C16orf74: variants seen among roughly 807,000 people sequenced by gnomAD.
C16orf74 encodes calcimembrin, also known as uncharacterized protein C16orf74.
A neutral mutation model predicts 6.5 loss-of-function variants in C16orf74; 10 were observed. The observed-to-expected ratio is 1.54, with a 90% CI of 0.95 to 2.61. The LOEUF (loss-of-function observed/expected upper bound fraction) is 2.61, where lower values mean the gene tolerates loss of function less well. Ranked by LOEUF, C16orf74 falls within the 30% of genes most tolerant of loss-of-function variation. The pLI is 0.00. For missense variants in C16orf74, 141 were observed against 105.9 expected, an observed-to-expected ratio of 1.33 and a Z score of -1.45; for synonymous variants, 60 against 42.5, an observed-to-expected ratio of 1.41 and a Z score of -1.60.
At chr16:85,712,255 G>A (rs1458738639) in intron 2 of C16orf74, among the ~76,000 whole-genome samples, 3 of 152,280 alleles carry the variant, frequency 2.0e-5, no homozygotes, top group Non-Finnish European at 2.9e-5. Flanking sequence ...CATCATGATC[G>A]ACCCTGAGCC....
chr16:85,707,943 GC>G lies in C16orf74; in HGVS notation c.*64del. ...CAGCACACCTGCTCCAGGCAGCCAC[GC>G]CCCCGGACACCTGAAGCCGGGCCGC... On this transcript the variant is annotated 3_prime_UTR_variant, in exon 4 of 4. Coordinates refer to ENST00000284245, the MANE Select transcript of C16orf74 (RefSeq NM_206967.3). 1 of 1,409,560 alleles carries G rather than the reference GC, an allele frequency of 7.1e-7. No homozygotes were observed. The allele number at this position is 1,409,560 out of a possible 1,614,324, so 87.3% of individuals were successfully genotyped here.
Position 85,707,943 on chromosome 16 carries a change from G to T in C16orf74, c.*65C>A, listed in dbSNP as rs538590184. 5 of 1,409,578 alleles carry T rather than the reference G, an allele frequency of 3.5e-6. No homozygotes were observed. The highest frequency in any genetic ancestry group is 4.9e-6 in the Non-Finnish European group (5 of 1,022,844). The allele number at this position is 1,409,578 out of a possible 1,614,324, so 87.3% of individuals were successfully genotyped here. On this transcript the variant is annotated 3_prime_UTR_variant, in exon 4 of 4. Coordinates refer to ENST00000284245, the MANE Select transcript of C16orf74 (RefSeq NM_206967.3). ...CAGCACACCTGCTCCAGGCAGCCAC[G>T]CCCCCGGACACCTGAAGCCGGGCCG... is the stretch of plus-strand genomic sequence containing the variant.
chr16:85,712,332 A>G (rs2053978432), intron 2 of C16orf74, among the ~76,000 whole-genome samples: 1 of 152,226 alleles, frequency 6.6e-6, no homozygotes, highest in Admixed American at 6.5e-5. Context: ...TAAAGGTTTG[A>G]TGTTTAAGCC....
At chr16:85,738,613 G>A (rs1340714560) in intron 1 of C16orf74, among the ~76,000 whole-genome samples, 1 of 151,902 alleles carries the variant, frequency 6.6e-6, no homozygotes, top group Non-Finnish European at 1.5e-5. Context: ...TTTCAGGTGT[G>A]AGCCACCGCG....
intron 1 of C16orf74, among the ~76,000 whole-genome samples, chr16:85,739,478 C>T (rs755898797): frequency 6.6e-6 from 1 of 152,160 alleles, no homozygotes; most frequent in Non-Finnish European, 1.5e-5. Context: ...AGTAAAACAA[C>T]AACAACAAAA....
intron 1 of C16orf74, among the ~76,000 whole-genome samples, chr16:85,744,656 CTG>C (rs1432723732): frequency 6.6e-6 from 1 of 151,878 alleles, no homozygotes; most frequent in African/African-American, 2.4e-5. Flanking sequence ...CGGTGAAACC[CTG>C]TCTCTACTAA....
chr16:85,737,725 T>C (rs1296446716), intron 1 of C16orf74, among the ~76,000 whole-genome samples: 1 of 152,020 alleles, frequency 6.6e-6, no homozygotes, highest in Non-Finnish European at 1.5e-5. Context: ...CAGCTACTCA[T>C]GAGTCTTGGG....
chr16:85,710,468 C>G (rs139037414), intron 2 of C16orf74, 161 bp from the exon 3 acceptor site: 1 of 583,556 alleles, frequency 1.7e-6, no homozygotes, highest in South Asian at 2.7e-5. Flanking sequence ...AGATGAAAAC[C>G]GGCGTCTCAG....
intron 2 of C16orf74, among the ~76,000 whole-genome samples, chr16:85,719,513 G>A (rs1490977538): frequency 6.6e-6 from 1 of 152,114 alleles, no homozygotes; most frequent in Non-Finnish European, 1.5e-5. Context: ...CCATCTTCCA[G>A]ACGGGCACAC....
chr16:85,739,682 C>A (rs1406169734), intron 1 of C16orf74, among the ~76,000 whole-genome samples: 7 of 151,844 alleles, frequency 4.6e-5, no homozygotes, highest in Admixed American at 4.6e-4. Context: ...TGCCTGTAAC[C>A]CAAGCTACTC....
chr16:85,729,018 G>A (rs2054161490), intron 2 of C16orf74, among the ~76,000 whole-genome samples: 1 of 152,206 alleles, frequency 6.6e-6, no homozygotes, highest in Non-Finnish European at 1.5e-5. Context: ...CTATACAGAA[G>A]GTCCCGGACC....
At chr16:85,716,708 G>A (rs540296817) in intron 2 of C16orf74, among the ~76,000 whole-genome samples, 5 of 151,386 alleles carry the variant, frequency 3.3e-5, no homozygotes, top group Non-Finnish European at 7.4e-5. Flanking sequence ...GAGGAAGGGA[G>A]GGAGAGGGGA....
At chr16:85,709,989 C>T (rs575204118) in intron 3 of C16orf74, among the ~76,000 whole-genome samples, 175 bp downstream of exon 3, 9 of 152,348 alleles carry the variant, frequency 5.9e-5, no homozygotes, top group African/African-American at 2.2e-4. Flanking sequence ...GAGGCTGGCG[C>T]CGTGGCAGGG....
At chr16:85,743,034 C>A (rs2054327521) in intron 1 of C16orf74, among the ~76,000 whole-genome samples, 1 of 152,200 alleles carries the variant, frequency 6.6e-6, no homozygotes, top group East Asian at 1.9e-4. Flanking sequence ...GGCACCCCCA[C>A]TACGTGGCCC....
At chr16:85,713,899 C>T (rs528043411) in intron 2 of C16orf74, among the ~76,000 whole-genome samples, 3 of 152,282 alleles carry the variant, frequency 2.0e-5, no homozygotes, top group African/African-American at 7.2e-5. Flanking sequence ...GTGGGATCTG[C>T]CCTGTGAGCG....
At chr16:85,741,959 G>A (rs1598807792) in intron 1 of C16orf74, among the ~76,000 whole-genome samples, 2 of 152,152 alleles carry the variant, frequency 1.3e-5, no homozygotes, top group East Asian at 3.9e-4. Flanking sequence ...CAGAACACTG[G>A]GCCTGATGGG....
intron 1 of C16orf74, among the ~76,000 whole-genome samples, chr16:85,737,529 C>T (rs945098112): frequency 9.9e-5 from 15 of 152,180 alleles, no homozygotes; most frequent in African/African-American, 3.6e-4. Flanking sequence ...AAGACCCTGT[C>T]TCTATAAAAC....
chr16:85,748,060 TG>T, intron 1 of C16orf74, among the ~76,000 whole-genome samples: 1 of 117,648 alleles, frequency 8.5e-6, no homozygotes, highest in South Asian at 2.4e-4. Flanking sequence ...CACTCCAGCC[TG>T]GGTGACAGAG....
chr16:85,729,774 G>C (rs371014), intron 2 of C16orf74, among the ~76,000 whole-genome samples: 3 of 151,974 alleles, frequency 2.0e-5, no homozygotes, highest in Admixed American at 6.5e-5. Flanking sequence ...CGTGAAGACA[G>C]AGGCAGAGAC....
Sources: allele counts gnomAD v4.1 joint callset (sites outside exome capture counted in the v4.1 genomes callset), GRCh38; gene constraint gnomAD v4.1.1; transcripts MANE v1.5; gene names NCBI Gene and HGNC (gene_info 2026-07-23, HGNC 2026-07-21).